Variants in POMGNT1 observed in about 807,000 individuals in gnomAD.
POMGNT1 encodes protein O-linked mannose N-acetylglucosaminyltransferase 1 (beta 1,2-), also known as protein O-linked-mannose beta-1,2-N-acetylglucosaminyltransferase 1.
In POMGNT1, 67 loss-of-function variants were observed where a neutral mutation model predicts 95.6. That is an observed-to-expected ratio of 0.70 (90% CI 0.58 to 0.86). POMGNT1 has a LOEUF of 0.86. POMGNT1 is among the 40% of genes least tolerant of loss of function. The probability of loss-of-function intolerance (pLI) is 0.00; values close to 1 mark genes in which losing one functional copy is unlikely to be tolerated. For missense variants in POMGNT1, 719 were observed against 855.2 expected (o/e 0.84, Z 1.99); for synonymous variants, 298 against 317.9 (o/e 0.94, Z 0.66).
Position 46,192,189 on chromosome 1 carries a change from T to C in POMGNT1, c.1448A>G (p.Glu483Gly). 6.2e-7 allele frequency: 1 copy of C among 1,614,182 alleles called. No homozygotes were observed. The highest frequency in any genetic ancestry group is 2.2e-5 in the East Asian group (1 of 44,882). ...WDWDMWMRMP[E>G]QRRGRECIIP... ...GATGCACTCTCGGCCCCGGCGTTGT[T>C]CAGGCATCCGCATCCACATGTCCCA... The change falls in exon 17 of 22, where the codon GAA becomes GGA. Residue 483 changes from glutamate (E) to glycine (G), a missense_variant. Physicochemically the swap from Glu to Gly is moderately conservative, Grantham distance 98. Transcript: ENST00000371984.
chr1:46,192,039 C>T (rs756342937), intron 17 of POMGNT1, 59 bp downstream of exon 17: 2 of 1,553,620 alleles, frequency 1.3e-6, no homozygotes, highest in African/African-American at 2.7e-5. Context: ...CTTCAGAGTC[C>T]ATGTTCTTGT....
At position 46,196,027 on chromosome 1, in the gene POMGNT1, G is replaced by C. The variant is rs777809507; in HGVS notation, c.405C>G (p.Val135=). 2.5e-6 allele frequency: 4 copies of C among 1,613,908 alleles called. No homozygotes were observed. ...REQGRGIHVI[V]LNQATGHVMA... The stretch of plus-strand genomic sequence containing the variant: ...AGAAACTCACCGTGGCCTGGTTGAG[G>C]ACAATGACATGGATGCCCCGGCCCT... The change falls in exon 5 of 22, where the codon GTC becomes GTG. Residue 135 remains valine (V), a synonymous_variant. Coordinates refer to ENST00000371984, the MANE Select transcript of POMGNT1 (RefSeq NM_017739.4). This position sits in a 1 kb window ranked among gnomAD's most constrained non-coding sequence, Gnocchi z 4.4.
upstream of POMGNT1, among the ~76,000 whole-genome samples, chr1:46,202,385 G>C (rs2148231720): frequency 6.6e-6 from 1 of 152,008 alleles, no homozygotes; most frequent in East Asian, 2.0e-4. Flanking sequence ...CCATCACCTG[G>C]GAGCTTATTA....
In POMGNT1 at chr1:46,203,569, C is replaced by T. The variant is rs200435573; in HGVS notation, c.-50-5698G>A. Reference sequence around the variant, plus strand: ...TCTGGCGCCCTGCTGCTCCCAGGGGCGTCTAGCACCGGCCACGACTTGGGG... The same window carrying T: ...TCTGGCGCCCTGCTGCTCCCAGGGGTGTCTAGCACCGGCCACGACTTGGGG... On this transcript the variant is annotated intron_variant, in intron 1 of 22. Coordinates refer to the POMGNT1 transcript ENST00000371992. The T allele has an allele frequency of 7.6e-5, 119 of 1,572,220 alleles. No homozygotes were observed. The highest frequency in any genetic ancestry group is 9.3e-5 in the East Asian group (4 of 42,936).
At position 46,195,673 on chromosome 1, in the gene POMGNT1, T is replaced by G. The variant is rs965557139; in HGVS notation, c.534+138A>C. ...ACTATTTGCTGAATTAATACAAATG[T>G]TAAGGCTGAGATTGGAACCTGAGTA... On this transcript the variant is annotated intron_variant, in intron 6 of 21. Coordinates refer to ENST00000371984, the MANE Select transcript of POMGNT1 (RefSeq NM_017739.4). 4 of 819,356 alleles carry G rather than the reference T, an allele frequency of 4.9e-6. No homozygotes were observed. In the African/African-American group the frequency reaches 6.8e-5, roughly 14 times the overall value. The allele number at this position is 819,356 out of a possible 1,614,324, so 50.8% of individuals were successfully genotyped here.
At chr1:46,217,013 A>G (rs1483952780) in intron 1 of POMGNT1, among the ~76,000 whole-genome samples, 3 of 152,238 alleles carry the variant, frequency 2.0e-5, no homozygotes, top group Non-Finnish European at 4.4e-5. Context: ...AAAACATGCA[A>G]AGCTTCAATA....
upstream of POMGNT1, among the ~76,000 whole-genome samples, chr1:46,199,245 G>A (rs773829348): frequency 5.9e-5 from 9 of 152,164 alleles, no homozygotes; most frequent in Non-Finnish European, 2.9e-5. Context: ...GCTGGCTATA[G>A]GCGCTATTAC....
In POMGNT1 at chr1:46,192,009, A is replaced by C. The variant is rs977166728; in HGVS notation, c.1539+89T>G. On this transcript the variant is annotated intron_variant, in intron 17 of 21. Transcript: ENST00000371984. ...CTTTCCCCAAGGTTACATGGCTAGC[A>C]AGTAGCAGAGCTAAGATTGCTTCAG... is the stretch of plus-strand genomic sequence containing the variant. 5 of 1,492,124 alleles carry C rather than the reference A, an allele frequency of 3.4e-6. No homozygotes were observed. The African/African-American group carries it at 6.9e-5, about 21-fold the overall frequency. The allele number at this position is 1,492,124 out of a possible 1,614,324, so 92.4% of individuals were successfully genotyped here.
intron 1 of POMGNT1, among the ~76,000 whole-genome samples, chr1:46,210,797 C>A (rs1658869934): frequency 6.6e-6 from 1 of 152,038 alleles, no homozygotes; most frequent in East Asian, 1.9e-4. Context: ...TTTTTTGAGA[C>A]AAGGTCTGGT....
intron 9 of POMGNT1, 134 bp downstream of exon 9, chr1:46,194,140 C>T: frequency 6.4e-7 from 1 of 1,560,882 alleles, no homozygotes; most frequent in Non-Finnish European, 8.7e-7. Context: ...CCCTGTCTTT[C>T]AGAGCGCAGT....
chr1:46,203,487 A>G, intron 1 of POMGNT1: 2 of 1,534,018 alleles, frequency 1.3e-6, no homozygotes, highest in Admixed American at 2.0e-5. Flanking sequence ...TAAGGTGGGC[A>G]GGAAGACCCC....
At chr1:46,193,131 T>G (rs752790179) in intron 13 of POMGNT1, 43 bp downstream of exon 13, 4 of 1,613,278 alleles carry the variant, frequency 2.5e-6, no homozygotes, top group Non-Finnish European at 3.4e-6. Context: ...TATGCCCATG[T>G]TTCCCCCCTC....
chr1:46,216,541 T>C (rs1659077352), intron 1 of POMGNT1, among the ~76,000 whole-genome samples: 1 of 152,060 alleles, frequency 6.6e-6, no homozygotes, highest in Non-Finnish European at 1.5e-5. Flanking sequence ...AGTGTCTCAC[T>C]CTGTTACCTA....
At position 46,198,387 on chromosome 1, in the gene POMGNT1, G is replaced by C. The variant is rs1008854157; in HGVS notation, c.-102C>G. On this transcript the variant is annotated 5_prime_UTR_variant, in exon 1 of 22. Transcript: ENST00000371984. ...GGCCCCGCTAGGGCCCTCACTGCTC[G>C]GCCCGGCTCGCCGCGGCCTCCGCCT... The C allele has an allele frequency of 2.0e-5, 3 of 152,274 alleles. No individual in the cohort carries two copies. Among genetic ancestry groups the C allele is most frequent in the African/African-American group, 4.8e-5 (2 of 41,458 alleles). The allele number at this position is 152,274 out of a possible 1,614,324, so 9.4% of individuals were successfully genotyped here.
intron 1 of POMGNT1, among the ~76,000 whole-genome samples, chr1:46,207,980 GC>G (rs1289912883): frequency 6.6e-6 from 1 of 152,008 alleles, no homozygotes; most frequent in Non-Finnish European, 1.5e-5. Flanking sequence ...CGATTCTCCT[GC>G]CTCAGCTTCC....
chr1:46,216,786 C>T (rs1659084753), intron 1 of POMGNT1, among the ~76,000 whole-genome samples: 1 of 152,100 alleles, frequency 6.6e-6, no homozygotes, highest in Admixed American at 6.5e-5. Context: ...CAATCCTTGC[C>T]CCCACCTCTC....
intron 6 of POMGNT1, chr1:46,195,341 G>T: frequency 2.7e-6 from 1 of 376,450 alleles, no homozygotes; most frequent in Non-Finnish European, 5.1e-6. Context: ...TTTCCACCTG[G>T]AATGCTCTTC....
At chr1:46,215,243 A>G (rs1048189888) in intron 1 of POMGNT1, among the ~76,000 whole-genome samples, 1 of 148,906 alleles carries the variant, frequency 6.7e-6, no homozygotes, top group African/African-American at 2.5e-5. Context: ...AAAAAAAAAA[A>G]GAGATGCAAG....
At chr1:46,207,508 G>A (rs1214581873) in intron 1 of POMGNT1, among the ~76,000 whole-genome samples, 1 of 151,500 alleles carries the variant, frequency 6.6e-6, no homozygotes, top group African/African-American at 2.4e-5. Context: ...TTCCACTAGC[G>A]TTTGCCACAC....
Sources: allele counts gnomAD v4.1 joint callset (sites outside exome capture counted in the v4.1 genomes callset), GRCh38; gene constraint gnomAD v4.1.1; non-coding constraint Gnocchi (gnomAD v3.1); transcripts MANE v1.5; gene names NCBI Gene and HGNC (gene_info 2026-07-23, HGNC 2026-07-21).